The following AUTS2 variants were observed in gnomAD, a reference collection of about 807,000 sequenced individuals.
AUTS2 encodes autism susceptibility gene 2 protein.
Under a neutral mutation model 112.4 loss-of-function variants are expected in AUTS2, and 17 were observed. The ratio of observed to expected loss-of-function variants is 0.15; its 90% CI spans 0.10 to 0.23. AUTS2 has a LOEUF of 0.23. AUTS2 is among the 10% of genes least tolerant of loss of function. The probability of loss-of-function intolerance (pLI) is 1.00; values close to 1 mark genes in which losing one functional copy is unlikely to be tolerated. For synonymous variants in AUTS2, 751 were observed against 702.7 expected (o/e 1.07, Z -1.09); for missense variants, 1,510 against 1,701.6 (o/e 0.89, Z 1.98).
At chr7:70,126,055 A>G (rs895023552) in intron 3 of AUTS2, among the ~76,000 whole-genome samples, 4 of 152,198 alleles carry the variant, frequency 2.6e-5, no homozygotes, top group Admixed American at 6.5e-5. Flanking sequence ...TGAATTGGTT[A>G]GGCCAAAAGA....
At chr7:69,629,057 T>G (rs562502577) in intron 1 of AUTS2, among the ~76,000 whole-genome samples, 7 of 152,324 alleles carry the variant, frequency 4.6e-5, no homozygotes, top group African/African-American at 1.4e-4. Context: ...AAGTATCGTT[T>G]ATGAGAAGTT....
At chr7:70,708,917 CTTTTTTT>C (rs34290500) in intron 6 of AUTS2, among the ~76,000 whole-genome samples, 1 of 134,642 alleles carries the variant, frequency 7.4e-6, no homozygotes, top group Non-Finnish European at 1.6e-5. Flanking sequence ...TGTTTAAATA[CTTTTTTT>C]TTTTTTTTTT....
At chr7:70,070,831 T>C (rs188579224) in intron 2 of AUTS2, among the ~76,000 whole-genome samples, 115 of 145,580 alleles carry the variant, frequency 7.9e-4, no homozygotes, top group Middle Eastern at 3.6e-3. Flanking sequence ...GCGATCAAGA[T>C]CATGCCACTG....
Position 70,699,975 on chromosome 7 carries a change from T to G in AUTS2, c.742+1355T>G, listed in dbSNP as rs527717680. Among the ~76,000 whole-genome samples, 87 of 149,736 alleles carry G rather than the reference T, an allele frequency of 5.8e-4. 1 individual carries two copies. The highest frequency in any genetic ancestry group is 2.0e-3 in the African/African-American group (79 of 39,130). On this transcript the variant is annotated intron_variant, in intron 6 of 18. Transcript: ENST00000342771. ...CCAGGACCTCTGCCACATGTGACTG[T>G]GTCTGTCTTCTGCTGATTTGCTACT...
At chr7:70,154,113 C>G (rs550279685) in intron 4 of AUTS2, among the ~76,000 whole-genome samples, 2 of 152,306 alleles carry the variant, frequency 1.3e-5, no homozygotes, top group African/African-American at 4.8e-5. Context: ...TTCTTTAAAG[C>G]AGACATCCAA....
intron 4 of AUTS2, among the ~76,000 whole-genome samples, chr7:70,140,561 G>A (rs1345826850): frequency 6.6e-6 from 1 of 152,104 alleles, no homozygotes; most frequent in Non-Finnish European, 1.5e-5. Flanking sequence ...GGCAGTACTT[G>A]CTGTGATGCT....
intron 5 of AUTS2, among the ~76,000 whole-genome samples, chr7:70,554,534 C>T (rs1332594654): frequency 6.6e-6 from 1 of 151,860 alleles, no homozygotes; most frequent in Non-Finnish European, 1.5e-5. Flanking sequence ...CCTCCAAATA[C>T]CCTGCCATCC....
intron 5 of AUTS2, among the ~76,000 whole-genome samples, chr7:70,680,952 C>T (rs1808175996): frequency 1.3e-5 from 2 of 152,182 alleles, no homozygotes; most frequent in African/African-American, 4.8e-5. Context: ...CCATCAACTC[C>T]CTCTAAGATT....
chr7:70,517,352 A>G (rs1387201332), intron 5 of AUTS2, among the ~76,000 whole-genome samples: 4 of 152,146 alleles, frequency 2.6e-5, no homozygotes, highest in African/African-American at 7.2e-5. Flanking sequence ...GTTTGGTGGT[A>G]TCAGATAAGT....
intron 5 of AUTS2, among the ~76,000 whole-genome samples, chr7:70,504,171 T>C (rs1369338461): frequency 6.6e-6 from 1 of 151,874 alleles, no homozygotes; most frequent in Non-Finnish European, 1.5e-5. Context: ...CAATTAAATA[T>C]TAAAGCTTTA....
intron 4 of AUTS2, among the ~76,000 whole-genome samples, chr7:70,412,860 G>A (rs955356250): frequency 2.6e-5 from 4 of 152,128 alleles, no homozygotes; most frequent in South Asian, 2.1e-4. Context: ...CCATGCTGGC[G>A]TGCGCCTGTA....
chr7:69,746,119 C>T (rs1330451574), intron 1 of AUTS2, among the ~76,000 whole-genome samples: 2 of 152,168 alleles, frequency 1.3e-5, no homozygotes, highest in African/African-American at 4.8e-5. Context: ...AAGCAATCCT[C>T]CTGCCCTAGC....
chr7:70,743,249 CATG>C (rs1195393626), intron 6 of AUTS2, among the ~76,000 whole-genome samples: 1 of 152,098 alleles, frequency 6.6e-6, no homozygotes, highest in Non-Finnish European at 1.5e-5. Context: ...GGGCGGATCA[CATG>C]AGGCCAGGAG....
At chr7:70,202,957 C>A in intron 4 of AUTS2, among the ~76,000 whole-genome samples, 1 of 77,650 alleles carries the variant, frequency 1.3e-5, no homozygotes, top group Non-Finnish European at 2.3e-5. Context: ...AAATGTCCAA[C>A]AATGATAGAC....
chr7:70,732,952 GC>G (rs1305378096), intron 6 of AUTS2, among the ~76,000 whole-genome samples: 1 of 152,138 alleles, frequency 6.6e-6, no homozygotes, highest in African/African-American at 2.4e-5. Context: ...TTAGGAGGTG[GC>G]CCCTCACCAA....
intron 4 of AUTS2, among the ~76,000 whole-genome samples, chr7:70,162,445 C>CAAAAAAAAA (rs57688959): frequency 2.5e-4 from 14 of 56,682 alleles, no homozygotes; most frequent in East Asian, 6.4e-4. Context: ...GACTCCGTCT[C>CAAAAAAAAA]AAAAAAAAAA....
intron 2 of AUTS2, among the ~76,000 whole-genome samples, chr7:69,985,461 C>T (rs1483081920): frequency 6.6e-6 from 1 of 152,100 alleles, no homozygotes; most frequent in African/African-American, 2.4e-5. Flanking sequence ...CCAATATGAT[C>T]TTTTCAAAAC....
intron 1 of AUTS2, among the ~76,000 whole-genome samples, chr7:69,768,807 C>T (rs761502592): frequency 2.6e-5 from 4 of 152,072 alleles, no homozygotes; most frequent in Non-Finnish European, 5.9e-5. Context: ...CCAGAGAAGA[C>T]GGGCTCCTGC....
At chr7:69,959,279 T>C (rs1221814962) in intron 2 of AUTS2, among the ~76,000 whole-genome samples, 1 of 152,182 alleles carries the variant, frequency 6.6e-6, no homozygotes, top group Non-Finnish European at 1.5e-5. Flanking sequence ...TTTAAAGAGC[T>C]TTTGGGAGCC....
Sources: allele counts gnomAD v4.1 joint callset (sites outside exome capture counted in the v4.1 genomes callset), GRCh38; gene constraint gnomAD v4.1.1; transcripts MANE v1.5; gene names NCBI Gene and HGNC (gene_info 2026-07-23, HGNC 2026-07-21).